JRK: variants seen among roughly 807,000 people sequenced by gnomAD.
The protein encoded by JRK is jerky protein homolog.
For synonymous variants in JRK, 303 were observed against 218.1 expected (o/e 1.39, Z -3.43); for missense variants, 720 against 509.2 (o/e 1.41, Z -3.98).
Position 142,659,910 on chromosome 8 carries a change from TCA to T in JRK, c.*4440_*4441del. 2.0e-6 allele frequency: 2 copies of T among 985,576 alleles called. No individual in the cohort carries two copies. The highest frequency in any genetic ancestry group is 9.4e-5 in the South Asian group (2 of 21,282). 61.1% of individuals were successfully genotyped at this position (985,576 alleles called of 1,614,324 possible). On this transcript the variant is annotated 3_prime_UTR_variant, in exon 2 of 2. Coordinates refer to ENST00000612905, the MANE Select transcript of JRK (RefSeq NM_003724.4). ...GACCCCACCTCATTTCATGTCATCA[TCA>T]CTGCCCTGCAAGGGAAACAACAGAT...
At position 142,663,781 on chromosome 8, in the gene JRK, T is replaced by C; in HGVS notation, c.*571A>G. ...ATGAGGCCACAACTGAAGTGAGATGTGCGGCCTGTTCAGCCGCTAGCAGGC... is the reference window on the plus strand; with the variant it reads ...ATGAGGCCACAACTGAAGTGAGATGCGCGGCCTGTTCAGCCGCTAGCAGGC... On this transcript the variant is annotated 3_prime_UTR_variant, in exon 2 of 2. Coordinates refer to ENST00000612905, the MANE Select transcript of JRK (RefSeq NM_003724.4). 2 of 985,808 alleles carry C rather than the reference T, an allele frequency of 2.0e-6. No individual in the cohort carries two copies. Among genetic ancestry groups the C allele is most frequent in the Non-Finnish European group, 2.4e-6 (2 of 830,220 alleles). 61.1% of individuals were successfully genotyped at this position (985,808 alleles called of 1,614,324 possible). A position where few individuals can be genotyped will look rare whatever the true frequency, so the allele number is the denominator to read the frequency against.
At position 142,663,622 on chromosome 8, in the gene JRK, G is replaced by A; in HGVS notation, c.*730C>T. ...CCGGGTGATGAGCAGGGCCTGGTCA[G>A]CCACTCCTACTTTCTTCCCAGAAAG... On this transcript the variant is annotated 3_prime_UTR_variant, in exon 2 of 2. Coordinates refer to ENST00000612905, the MANE Select transcript of JRK (RefSeq NM_003724.4). The A allele has an allele frequency of 1.0e-6, 1 of 985,476 alleles. No homozygotes were observed. 61.0% of individuals were successfully genotyped at this position (985,476 alleles called of 1,614,324 possible).
At chr8:142,651,792 T>C in the JRK span, among the ~76,000 whole-genome samples, 8 of 152,198 alleles carry the variant, frequency 5.3e-5, no homozygotes, top group African/African-American at 1.4e-4. Context: ...GGCTGTTAAT[T>C]TTAACTTTAG....
Position 142,667,965 on chromosome 8 carries a change from T to C in JRK, c.-462-1445A>G, listed in dbSNP as rs201474720. Among the ~76,000 whole-genome samples the C allele has an allele frequency of 2.8e-4, 43 of 152,334 alleles. No individual in the cohort carries two copies. In the East Asian group the frequency reaches 7.5e-3, roughly 27 times the overall value. ...CAGCCTATGGAGTCAGGGCCTGCAA[T>C]GCACTTCACCCAGTTAAGACACTGC... On this transcript the variant is annotated intron_variant, in intron 1 of 1. Coordinates refer to ENST00000612905, the MANE Select transcript of JRK (RefSeq NM_003724.4).
the JRK span, among the ~76,000 whole-genome samples, chr8:142,647,690 G>C: frequency 6.6e-6 from 1 of 152,140 alleles, no homozygotes; most frequent in Non-Finnish European, 1.5e-5. Context: ...GCCCAGTCTG[G>C]GGTATGTCTT....
At position 142,664,707 on chromosome 8, in the gene JRK, C is replaced by T. The variant is rs587679068; in HGVS notation, c.1352G>A (p.Arg451Gln). 146 of 1,606,928 alleles carry T rather than the reference C, an allele frequency of 9.1e-5. No homozygotes were observed. The highest frequency in any genetic ancestry group is 1.7e-4 in the Middle Eastern group (1 of 6,058). The change falls in exon 2 of 2, where the codon CGG (arginine) becomes CAG (glutamine). Residue 451 changes from arginine to glutamine, a missense_variant. Transcript: ENST00000612905. ...TGCTGGCGACGTGGCAGCAGGGGGC[C>T]GTCCCCCTTCTGCCTCCCTTCCCGC... Reference protein sequence around the residue: ...GVAGREAEGGRPPAATSPAEV... With the variant: ...GVAGREAEGGQPPAATSPAEV...
At position 142,664,705 on chromosome 8, in the gene JRK, G is replaced by T. The variant is rs587652544; in HGVS notation, c.1354C>A (p.Pro452Thr). 3 of 1,607,302 alleles carry T rather than the reference G, an allele frequency of 1.9e-6. No homozygotes were observed. The highest frequency in any genetic ancestry group is 3.4e-5 in the Admixed American group (2 of 59,292). Residue 452 changes from proline (P) to threonine (T), a missense_variant, in exon 2 of 2, where the codon CCC (proline) becomes ACC (threonine). Pro to Thr is a conservative substitution (Grantham distance 38). Transcript: ENST00000612905. ...TCTGCTGGCGACGTGGCAGCAGGGG[G>T]CCGTCCCCCTTCTGCCTCCCTTCCC... ...VAGREAEGGRPPAATSPAEVV... is the reference protein window; with the variant it reads ...VAGREAEGGRTPAATSPAEVV...
rs1488041032 is a variant in JRK, at chr8:142,660,970, A to C, written c.*3382T>G. The C allele has an allele frequency of 1.3e-4, 132 of 985,374 alleles. No homozygotes were observed. The highest frequency in any genetic ancestry group is 1.5e-4 in the Non-Finnish European group (127 of 829,986). 61.0% of individuals were successfully genotyped at this position (985,374 alleles called of 1,614,324 possible). A position where few individuals can be genotyped will look rare whatever the true frequency, so the allele number is the denominator to read the frequency against. ...CCAGCGAGCTGGGGAAGCCGTGGGC[A>C]GGGGCTGCGACTTCCTTTCTTCCAA... is the stretch of plus-strand genomic sequence containing the variant. On this transcript the variant is annotated 3_prime_UTR_variant, in exon 2 of 2. Transcript: ENST00000612905.
chr8:142,652,210 T>C, the JRK span, among the ~76,000 whole-genome samples: 2 of 152,284 alleles, frequency 1.3e-5, no homozygotes, highest in South Asian at 4.1e-4. Context: ...TCAGAATCCC[T>C]TTGTGATTAC....
In JRK at chr8:142,664,885, CAAACG is replaced by C; in HGVS notation, c.1169_1173del (p.Ala390GlyfsTer7). On this transcript the variant is annotated frameshift_variant, in exon 2 of 2. Transcript: ENST00000612905. LOFTEE classifies it low-confidence loss of function (END_TRUNC). ...TCCTCCTCAGAGGAGGAGCCTTCGG[CAAACG>C]CAACCGACGGCCACAGCTTCCTCCA... 7.7e-7 allele frequency: 1 copy of C among 1,304,056 alleles called. No individual in the cohort carries two copies. Among genetic ancestry groups the C allele is most frequent in the Non-Finnish European group, 1.1e-6 (1 of 901,114 alleles). The allele number at this position is 1,304,056 out of a possible 1,614,324, so 80.8% of individuals were successfully genotyped here. A position where few individuals can be genotyped will look rare whatever the true frequency, so the allele number is the denominator to read the frequency against.
chr8:142,652,495 ATTCTT>A (rs1554633265), downstream of JRK, among the ~76,000 whole-genome samples: 1 of 152,196 alleles, frequency 6.6e-6, no homozygotes, highest in Non-Finnish European at 1.5e-5. Context: ...AAATGGTTGC[ATTCTT>A]TTGAGTTTCT....
the JRK span, among the ~76,000 whole-genome samples, chr8:142,643,867 G>C: frequency 6.6e-6 from 1 of 152,140 alleles, no homozygotes; most frequent in Non-Finnish European, 1.5e-5. Flanking sequence ...CCAAATTCTG[G>C]AGAAATCAGG....
At chr8:142,656,249 T>TG (rs1474308427), downstream of JRK, among the ~76,000 whole-genome samples, 1 of 152,228 alleles carries the variant, frequency 6.6e-6, no homozygotes, top group Non-Finnish European at 1.5e-5. Flanking sequence ...TTTTCCTACT[T>TG]TCTTTGCTTA....
At chr8:142,648,588 G>A in the JRK span, among the ~76,000 whole-genome samples, 1 of 152,240 alleles carries the variant, frequency 6.6e-6, no homozygotes, top group African/African-American at 2.4e-5. Context: ...TGAAGTTTGG[G>A]AACCTCTGCC....
chr8:142,656,960 G>A (rs587683929), downstream of JRK, among the ~76,000 whole-genome samples: 4 of 152,252 alleles, frequency 2.6e-5, no homozygotes, highest in East Asian at 5.8e-4. Flanking sequence ...GCACTGCCAT[G>A]AGGCAGAAGT....
At position 142,665,699 on chromosome 8, in the gene JRK, G is replaced by A. The variant is rs1361604806; in HGVS notation, c.360C>T (p.Tyr120=). The A allele has an allele frequency of 2.5e-5, 19 of 746,176 alleles. No individual in the cohort carries two copies. Among genetic ancestry groups the A allele is most frequent in the Admixed American group, 1.3e-4 (7 of 54,316 alleles). The allele number at this position is 746,176 out of a possible 1,614,324, so 46.2% of individuals were successfully genotyped here. The part of the protein sequence containing the change: ...PMLIEKAKDF[Y]EQMQLTEPCV... ...AGGGCTCAGTGAGCTGCATCTGCTCGTAGAAGTCCTTGGCCTTCTCGATGA... is the reference window on the plus strand; with the variant it reads ...AGGGCTCAGTGAGCTGCATCTGCTCATAGAAGTCCTTGGCCTTCTCGATGA... The change falls in exon 2 of 2, where the codon TAC becomes TAT. Residue 120 remains tyrosine (Y), a synonymous_variant. Coordinates refer to ENST00000612905, the MANE Select transcript of JRK (RefSeq NM_003724.4).
chr8:142,664,481 C>T lies in JRK; in HGVS notation c.1578G>A (p.Gln526=). ...GGGCACCACGCCGCCTCCTCACCTG[C>T]TGCTGGCTCCGGAACACGGCACGCA... is the stretch of plus-strand genomic sequence containing the variant. ...RALRAVFRSQ[Q]QVRRRRGALG... Residue 526 remains glutamine (Q), a synonymous_variant, in exon 2 of 2, where the codon CAG becomes CAA. Transcript: ENST00000612905. 1.2e-6 allele frequency: 2 copies of T among 1,611,048 alleles called. No homozygotes were observed.
At position 142,665,310 on chromosome 8, in the gene JRK, A is replaced by G; in HGVS notation, c.749T>C (p.Leu250Pro). 2 of 717,752 alleles carry G rather than the reference A, an allele frequency of 2.8e-6. No individual in the cohort carries two copies. Among genetic ancestry groups the G allele is most frequent in the Non-Finnish European group, 5.2e-6 (2 of 385,096 alleles). The allele number at this position is 717,752 out of a possible 1,614,324, so 44.5% of individuals were successfully genotyped here. Residue 250 changes from leucine (L) to proline (P), a missense_variant, in exon 2 of 2, where the codon CTG becomes CCG. Leu to Pro is a moderately conservative substitution (Grantham distance 98). Transcript: ENST00000612905. ...CCCCTGGGCCTTATAGGCGACGGGC[A>G]GGTGCTGGATGCCTTTGAAAGCCCT... is the stretch of plus-strand genomic sequence containing the variant. Reference protein sequence around the residue: ...GPRAFKGIQHLPVAYKAQGNA... With the variant: ...GPRAFKGIQHPPVAYKAQGNA...
chr8:142,648,114 C>T, the JRK span, among the ~76,000 whole-genome samples: 1 of 152,184 alleles, frequency 6.6e-6, no homozygotes, highest in African/African-American at 2.4e-5. Context: ...AGCAGCAAAG[C>T]ATTCAAGAGG....
Sources: gnomAD v4.1 joint callset for allele counts (sites outside exome capture counted in the v4.1 genomes callset) on GRCh38, gnomAD v4.1.1 for gene constraint, MANE v1.5 for transcripts, NCBI Gene and HGNC (gene_info 2026-07-23, HGNC 2026-07-21) for gene names.